NDUFA10: variants seen among roughly 807,000 people sequenced by gnomAD.
NDUFA10 encodes the protein NADH dehydrogenase [ubiquinone] 1 alpha subcomplex subunit 10, mitochondrial.
NDUFA10 carries 40 observed loss-of-function variants against 47.8 expected under a neutral mutation model. That is an observed-to-expected ratio of 0.84 (90% CI 0.65 to 1.09). The LOEUF is 1.09. Ranked by LOEUF, NDUFA10 falls within the 50% of genes least tolerant of loss-of-function variation. NDUFA10 has a pLI of 0.00. For synonymous variants in NDUFA10, 183 were observed against 172.2 expected, an observed-to-expected ratio of 1.06 and a Z score of -0.49; for missense variants, 413 against 451.1, an observed-to-expected ratio of 0.92 and a Z score of 0.76.
chr2:240,022,425 G>A, intron 1 of NDUFA10, 85 bp from the exon 2 acceptor site: 1 of 1,585,672 alleles, frequency 6.3e-7, no homozygotes, highest in Non-Finnish European at 8.6e-7. Flanking sequence ...AAAATACCAA[G>A]AAACCTCTTA....
chr2:239,971,023 T>C (rs1302143190), intron 9 of NDUFA10, among the ~76,000 whole-genome samples: 1 of 152,240 alleles, frequency 6.6e-6, no homozygotes, highest in Non-Finnish European at 1.5e-5. Flanking sequence ...CTCTGTGTCA[T>C]TATTTCAGTT....
chr2:240,005,924 G>A lies in NDUFA10; in HGVS notation c.805-629C>T, dbSNP rs140512671. On this transcript the variant is annotated intron_variant, in intron 7 of 9. Coordinates refer to ENST00000252711, the MANE Select transcript of NDUFA10 (RefSeq NM_004544.4). ...GGACAGGCTACTCATTTCTTCCCAA[G>A]TAAGTTCCTTCTAAAAGGCAAAACC... Among the ~76,000 whole-genome samples, 1,203 of 152,256 alleles carry A rather than the reference G, an allele frequency of 7.9e-3. 8 individuals carry two copies. The highest frequency in any genetic ancestry group is 0.012 in the Admixed American group (184 of 15,288).
intron 4 of NDUFA10, among the ~76,000 whole-genome samples, chr2:239,939,550 G>A (rs992983348): frequency 1.3e-5 from 2 of 152,182 alleles, no homozygotes; most frequent in Admixed American, 6.5e-5. Context: ...CATTTTGGGG[G>A]GATAAAGATT....
intron 8 of NDUFA10, among the ~76,000 whole-genome samples, chr2:239,993,481 G>A (rs1574859856): frequency 6.6e-6 from 1 of 152,328 alleles, no homozygotes; most frequent in South Asian, 2.1e-4. Context: ...AGAAGGGCCT[G>A]GCAGATTGCC....
chr2:239,902,145 T>A (rs546238076), intron 4 of NDUFA10, among the ~76,000 whole-genome samples: 2 of 152,246 alleles, frequency 1.3e-5, no homozygotes, highest in Non-Finnish European at 2.9e-5. Context: ...TTTAAAATTT[T>A]AATTTTAAAA....
At chr2:240,004,260 G>A (rs747256394) in intron 8 of NDUFA10, among the ~76,000 whole-genome samples, 11 of 152,172 alleles carry the variant, frequency 7.2e-5, no homozygotes, top group African/African-American at 1.9e-4. Flanking sequence ...CTGGAATGGC[G>A]AGGCCGTCTC....
At chr2:240,015,666 G>T (rs910269112) in intron 4 of NDUFA10, among the ~76,000 whole-genome samples, 10 of 152,194 alleles carry the variant, frequency 6.6e-5, no homozygotes, top group Admixed American at 3.3e-4. Context: ...AGGGAACCCT[G>T]CCGCTCTTCA....
At chr2:239,913,381 T>C (rs1026575831) in intron 4 of NDUFA10, among the ~76,000 whole-genome samples, 13 of 152,214 alleles carry the variant, frequency 8.5e-5, no homozygotes, top group Non-Finnish European at 1.6e-4. Context: ...CCTGAGGACA[T>C]GACGGGTCCT....
rs1553554441 is a variant in NDUFA10, at chr2:239,911,670, A to AGAGTGTGTGT, written c.295-16357_295-16356insACACACACTC. Among the ~76,000 whole-genome samples, 393 of 146,648 alleles carry AGAGTGTGTGT rather than the reference A, an allele frequency of 2.7e-3. 4 individuals are homozygous for AGAGTGTGTGT. Among genetic ancestry groups the AGAGTGTGTGT allele is most frequent in the Middle Eastern group, 0.011 (3 of 284 alleles). ...CAGCCCAGACACCAAAACATGAGAG[A>AGAGTGTGTGT]GTGTGTGTGCGTGTGTGTGTGTGTG... is the stretch of plus-strand genomic sequence containing the variant. On this transcript the variant is annotated intron_variant, in intron 4 of 5. Coordinates refer to the NDUFA10 transcript ENST00000419408.
In NDUFA10 at chr2:240,000,389, TAAC is replaced by T. The variant is rs201922996; in HGVS notation, c.890+4818_890+4820del. On this transcript the variant is annotated intron_variant, in intron 8 of 9. Transcript: ENST00000252711. Reference sequence around the variant, plus strand: ...CAGGCCACTGTGTTTGTATCTTAACTAACAACAACAACAACAAAAGTTTAAAAA... The same window carrying T: ...CAGGCCACTGTGTTTGTATCTTAACTAACAACAACAACAAAAGTTTAAAAA... Among the ~76,000 whole-genome samples the T allele has an allele frequency of 6.1e-3, 928 of 151,908 alleles. 13 individuals carry two copies. Among genetic ancestry groups the T allele is most frequent in the African/African-American group, 0.021 (883 of 41,388 alleles).
Position 239,960,210 on chromosome 2 carries a change from CCA to C in NDUFA10, c.*906_*907del, listed in dbSNP as rs950171284. The C allele has an allele frequency of 5.1e-6, 5 of 984,948 alleles. No individual in the cohort carries two copies. The African/African-American group carries it at 8.8e-5, about 17-fold the overall frequency. The allele number at this position is 984,948 out of a possible 1,614,324, so 61.0% of individuals were successfully genotyped here. A position where few individuals can be genotyped will look rare whatever the true frequency, so the allele number is the denominator to read the frequency against. On this transcript the variant is annotated 3_prime_UTR_variant, in exon 10 of 10. Transcript: ENST00000252711. ...ACAGTGGAGCTTTACAGTGGAAAAC[CCA>C]CAGTTCAGTAGGACTCACAACTGAC...
intron 8 of NDUFA10, among the ~76,000 whole-genome samples, chr2:239,999,229 G>A (rs1016275764): frequency 6.6e-6 from 1 of 152,126 alleles, no homozygotes; most frequent in Non-Finnish European, 1.5e-5. Context: ...GGCTGCCCCT[G>A]TTTCACGTAG....
chr2:239,921,089 C>A lies in NDUFA10; in HGVS notation c.295-25775G>T, dbSNP rs533945906. Among the ~76,000 whole-genome samples, 17 of 152,254 alleles carry A rather than the reference C, an allele frequency of 1.1e-4. No individual in the cohort carries two copies. The South Asian group carries it at 3.5e-3, about 32-fold the overall frequency. On this transcript the variant is annotated intron_variant, in intron 4 of 5. Transcript: ENST00000419408. ...GAGTGTGTGATCGTTTGTCAATCAACCAATATTATTTGCAAATCAATATGG... is the reference window on the plus strand; with the variant it reads ...GAGTGTGTGATCGTTTGTCAATCAAACAATATTATTTGCAAATCAATATGG...
intron 4 of NDUFA10, among the ~76,000 whole-genome samples, chr2:239,932,816 C>T (rs1208533100): frequency 6.6e-6 from 1 of 152,158 alleles, no homozygotes; most frequent in Non-Finnish European, 1.5e-5. Context: ...CTCCTGACCT[C>T]GTGATCCACC....
chr2:239,979,702 T>C (rs1338527472), intron 9 of NDUFA10, among the ~76,000 whole-genome samples: 2 of 152,048 alleles, frequency 1.3e-5, no homozygotes, highest in East Asian at 3.9e-4. Flanking sequence ...GCCCCCACAG[T>C]TGATACTCGA....
At chr2:239,994,303 G>A (rs928033807) in intron 8 of NDUFA10, among the ~76,000 whole-genome samples, 2 of 152,012 alleles carry the variant, frequency 1.3e-5, no homozygotes. Flanking sequence ...TCCCCTGCTC[G>A]CATTACTGCC....
intron 4 of NDUFA10, chr2:240,017,979 A>C: frequency 7.8e-7 from 1 of 1,280,558 alleles, no homozygotes; most frequent in Non-Finnish European, 1.1e-6. Context: ...AGTCCTAGTC[A>C]CAGACACCCC....
chr2:239,972,417 T>C (rs1224705221), intron 9 of NDUFA10, among the ~76,000 whole-genome samples: 1 of 152,120 alleles, frequency 6.6e-6, no homozygotes, highest in African/African-American at 2.4e-5. Flanking sequence ...TGCAAAGTTC[T>C]GGGGTGATTT....
At chr2:240,017,936 T>C in intron 4 of NDUFA10, 1 of 1,529,884 alleles carries the variant, frequency 6.5e-7, no homozygotes, top group Non-Finnish European at 8.9e-7. Context: ...AGTCAGACTG[T>C]CCACCAGGCC....
Sources: allele counts gnomAD v4.1 joint callset (sites outside exome capture counted in the v4.1 genomes callset), GRCh38; gene constraint gnomAD v4.1.1; transcripts MANE v1.5; gene names NCBI Gene and HGNC (gene_info 2026-07-23, HGNC 2026-07-21).